Variants in PPM1F observed in about 807,000 individuals in gnomAD.
The protein encoded by PPM1F is protein phosphatase, Mg2+/Mn2+ dependent 1F.
Under a neutral mutation model 35.5 loss-of-function variants are expected in PPM1F, and 17 were observed. That is an observed-to-expected ratio of 0.48 (90% CI 0.33 to 0.72). The LOEUF is 0.72. Among genes scored for constraint, PPM1F ranks in the 30% least tolerant of loss-of-function variants. The pLI, the probability that PPM1F is intolerant of heterozygous loss-of-function variation, is 0.02. For missense variants in PPM1F, 521 were observed against 613.0 expected (o/e 0.85, Z 1.59); for synonymous variants, 241 against 255.5 (o/e 0.94, Z 0.54).
rs1425681796 is a variant in PPM1F at position 21,934,239 on chromosome 22, AT to A, written c.356-14del. ...TGGGCATCCAGCACTGATGGGCACA[AT>A]GGAGGGATTGTCAGGGAAGTGCCAA... On this transcript the variant is annotated splice_polypyrimidine_tract_variant and intron_variant, in intron 3 of 7. Coordinates refer to ENST00000263212, the MANE Select transcript of PPM1F (RefSeq NM_014634.4). The A allele has an allele frequency of 6.5e-7, 1 of 1,549,626 alleles. No homozygotes were observed. The highest frequency in any genetic ancestry group is 1.2e-5 in the South Asian group (1 of 84,656).
chr22:21,933,690 G>T, intron 4 of PPM1F, 111 bp from the exon 5 acceptor site: 2 of 1,033,316 alleles, frequency 1.9e-6, no homozygotes, highest in Admixed American at 2.4e-5. Context: ...TATGGCCTTC[G>T]CCCGGCTTAT....
At chr22:21,948,708 G>A (rs1276017614) in intron 1 of PPM1F, 1 of 152,272 alleles carries the variant, frequency 6.6e-6, no homozygotes, top group African/African-American at 2.4e-5. Flanking sequence ...GTGATCTGGA[G>A]GCTCTACTGT....
intron 1 of PPM1F, chr22:21,947,264 T>C (rs1002777316): frequency 3.9e-5 from 6 of 152,606 alleles, no homozygotes; most frequent in African/African-American, 9.6e-5. Context: ...GCCCCGGGGA[T>C]TCACCTCCAG....
chr22:21,934,034 A>C lies in PPM1F; in HGVS notation c.548T>G (p.Phe183Cys), dbSNP rs560067214. 6.4e-7 allele frequency: 1 copy of C among 1,558,886 alleles called. No individual in the cohort carries two copies. The highest frequency in any genetic ancestry group is 1.4e-5 in the African/African-American group (1 of 73,850). Residue 183 changes from phenylalanine (F) to cysteine (C), a missense_variant, in exon 4 of 8, where the codon TTC becomes TGC. Coordinates refer to ENST00000263212, the MANE Select transcript of PPM1F (RefSeq NM_014634.4). ...GACGGGAGCACTCACAGACAAGCCG[A>C]AGAGCTGGTTGAAGGAAGGGAGGGA... is the stretch of plus-strand genomic sequence containing the variant. Reference protein sequence around the residue: ...HVSLPSFNQLFGLSDPVNRAY... With the variant: ...HVSLPSFNQLCGLSDPVNRAY...
intron 2 of PPM1F, chr22:21,942,539 T>G (rs1236696549): frequency 6.6e-6 from 1 of 152,212 alleles, no homozygotes. Context: ...CCTCTGCCAT[T>G]TGGGGGTTTC....
intron 6 of PPM1F, among the ~76,000 whole-genome samples, 197 bp downstream of exon 6, chr22:21,930,951 A>T (rs139594296): frequency 1.9e-3 from 295 of 152,268 alleles, no homozygotes; most frequent in Admixed American, 7.8e-3. Flanking sequence ...TGGGCTCCAT[A>T]TAGCTGTGAC....
intron 3 of PPM1F, chr22:21,938,629 G>A: frequency 9.8e-7 from 1 of 1,021,340 alleles, no homozygotes; most frequent in Non-Finnish European, 1.2e-6. Flanking sequence ...TGGCCGACAG[G>A]AAATGGCAAG....
chr22:21,937,850 A>T, intron 3 of PPM1F: 1 of 297,898 alleles, frequency 3.4e-6, no homozygotes, highest in South Asian at 2.5e-5. Context: ...CAGCCCCGCA[A>T]CCTCGCTTCT....
chr22:21,942,253 C>G (rs1319664408), intron 2 of PPM1F: 1 of 151,982 alleles, frequency 6.6e-6, no homozygotes, highest in African/African-American at 2.4e-5. Flanking sequence ...AGGAATCTAC[C>G]GGGATGGATT....
intron 7 of PPM1F, among the ~76,000 whole-genome samples, chr22:21,924,152 T>A (rs2053158134): frequency 6.6e-6 from 1 of 151,982 alleles, no homozygotes; most frequent in South Asian, 2.1e-4. Context: ...TCCCTGGCAA[T>A]CAGCTGGGGA....
intron 4 of PPM1F, 106 bp from the exon 5 acceptor site, chr22:21,933,685 C>A (rs1315192830): frequency 1.9e-6 from 2 of 1,074,626 alleles, no homozygotes; most frequent in African/African-American, 3.1e-5. Flanking sequence ...ATCAGTATGG[C>A]CTTCGCCCGG....
chr22:21,928,967 G>C (rs774906302), intron 6 of PPM1F, among the ~76,000 whole-genome samples: 13 of 152,162 alleles, frequency 8.5e-5, no homozygotes, highest in Non-Finnish European at 1.6e-4. Flanking sequence ...TGGGCACTCA[G>C]TGTTTGGAGG....
rs546905452 is a variant in PPM1F at position 21,926,885 on chromosome 22, G to A, written c.892-1223C>T. 2.0e-5 allele frequency among the ~76,000 whole-genome samples: 3 copies of A among 152,334 alleles called. No homozygotes were observed. The South Asian group carries it at 6.2e-4, about 32-fold the overall frequency. ...CCAGAGCAGACGGACATGCACTGCG[G>A]GAGGCCTGGGGGAGGCAGCCCTCTC... is the stretch of plus-strand genomic sequence containing the variant. On this transcript the variant is annotated intron_variant, in intron 6 of 7. Coordinates refer to ENST00000263212, the MANE Select transcript of PPM1F (RefSeq NM_014634.4).
chr22:21,919,460 TG>T lies in PPM1F; in HGVS notation c.*3631del, dbSNP rs1214654961. On this transcript the variant is annotated 3_prime_UTR_variant, in exon 8 of 8. Coordinates refer to ENST00000263212, the MANE Select transcript of PPM1F (RefSeq NM_014634.4). Reference sequence around the variant, plus strand: ...GTGGTTTATTGACACTTCTGCATGGTGGGTCCTTGGGAGACTGCCTTTCTGG... The same window carrying T: ...GTGGTTTATTGACACTTCTGCATGGTGGTCCTTGGGAGACTGCCTTTCTGG... The T allele has an allele frequency of 2.6e-5, 4 of 152,540 alleles. 1 individual carries two copies. The highest frequency in any genetic ancestry group is 9.7e-5 in the African/African-American group (4 of 41,414). The allele number at this position is 152,540 out of a possible 1,614,324, so 9.4% of individuals were successfully genotyped here. A position where few individuals can be genotyped will look rare whatever the true frequency, so the allele number is the denominator to read the frequency against.
chr22:21,942,716 C>T (rs2070738456), intron 2 of PPM1F: 1 of 152,334 alleles, frequency 6.6e-6, no homozygotes, highest in African/African-American at 2.4e-5. Flanking sequence ...CAAGGGCCAC[C>T]ATCGTCCTCT....
chr22:21,934,289 G>T, intron 3 of PPM1F, 63 bp from the exon 4 acceptor site: 3 of 1,411,438 alleles, frequency 2.1e-6, no homozygotes, highest in Non-Finnish European at 2.9e-6. Flanking sequence ...GGCCTCGCTG[G>T]CTCCCTGACA....
In PPM1F at chr22:21,925,029, C is replaced by G. The variant is rs12158352; in HGVS notation, c.985+540G>C. The G allele has an allele frequency of 6.3e-4, 99 of 156,504 alleles. 2 individuals are homozygous for G. The highest frequency in any genetic ancestry group is 3.1e-3 in the Middle Eastern group (1 of 320). The allele number at this position is 156,504 out of a possible 1,614,324, so 9.7% of individuals were successfully genotyped here. A position where few individuals can be genotyped will look rare whatever the true frequency, so the allele number is the denominator to read the frequency against. ...TCTCCTGCCTCAGCCTTCTGAATAG[C>G]TGGAATTACAGGGGCTCACTACCAT... On this transcript the variant is annotated intron_variant, in intron 7 of 7. Coordinates refer to ENST00000263212, the MANE Select transcript of PPM1F (RefSeq NM_014634.4).
intron 1 of PPM1F, chr22:21,949,513 GTTCT>G (rs1354115361): frequency 1.3e-5 from 2 of 152,380 alleles, no homozygotes; most frequent in Admixed American, 6.5e-5. Flanking sequence ...CAGTGCTGTG[GTTCT>G]TTGAGGGATC....
chr22:21,925,774 C>T (rs1009523323), intron 6 of PPM1F, 112 bp from the exon 7 acceptor site: 47 of 792,978 alleles, frequency 5.9e-5, no homozygotes, highest in South Asian at 1.0e-4. Flanking sequence ...CATTCAAAGC[C>T]GCAGCACTGG....
Sources: gnomAD v4.1 joint callset for allele counts (sites outside exome capture counted in the v4.1 genomes callset) on GRCh38, gnomAD v4.1.1 for gene constraint, MANE v1.5 for transcripts, NCBI Gene and HGNC (gene_info 2026-07-23, HGNC 2026-07-21) for gene names.